F13A1: variants seen among roughly 807,000 people sequenced by gnomAD.
The protein encoded by F13A1 is FSF, A subunit.
Under a neutral mutation model 80.1 loss-of-function variants are expected in F13A1, and 47 were observed. The observed-to-expected ratio is 0.59, with a 90% CI of 0.46 to 0.75. F13A1 has a LOEUF of 0.75. Among genes scored for constraint, F13A1 ranks in the 30% least tolerant of loss-of-function variants. F13A1 has a pLI of 0.00. For missense variants in F13A1, 817 were observed against 930.4 expected (o/e 0.88, Z 1.59); for synonymous variants, 349 against 344.9 (o/e 1.01, Z -0.13).
At chr6:6,281,053 G>T (rs916092518) in intron 3 of F13A1, among the ~76,000 whole-genome samples, 6 of 152,136 alleles carry the variant, frequency 3.9e-5, no homozygotes, top group African/African-American at 1.2e-4. Flanking sequence ...ACATCGCATG[G>T]CTCCCCATGA....
intron 9 of F13A1, among the ~76,000 whole-genome samples, chr6:6,196,489 C>G (rs1761293634): frequency 6.6e-6 from 1 of 152,118 alleles, no homozygotes; most frequent in Non-Finnish European, 1.5e-5. Context: ...TACCAGAACA[C>G]CAGAAAGTGC....
intron 7 of F13A1, among the ~76,000 whole-genome samples, chr6:6,223,281 T>A (rs1047791318): frequency 2.6e-5 from 4 of 152,234 alleles, no homozygotes; most frequent in Non-Finnish European, 4.4e-5. Flanking sequence ...AACCTTTTTA[T>A]GCCAAAGACA....
intron 8 of F13A1, among the ~76,000 whole-genome samples, chr6:6,220,585 GTC>G (rs1554101505): frequency 2.0e-5 from 3 of 152,026 alleles, no homozygotes; most frequent in African/African-American, 7.2e-5. Context: ...GTGTGTGTGT[GTC>G]TGTGTGTTTT....
intron 8 of F13A1, among the ~76,000 whole-genome samples, chr6:6,208,246 C>A (rs1761528620): frequency 1.3e-5 from 2 of 151,884 alleles, no homozygotes; most frequent in Admixed American, 6.6e-5. Flanking sequence ...GTACAATAAC[C>A]AAAATGAAAA....
intron 9 of F13A1, among the ~76,000 whole-genome samples, chr6:6,196,694 A>C (rs542455055): frequency 6.6e-6 from 1 of 152,336 alleles, no homozygotes; most frequent in East Asian, 1.9e-4. Flanking sequence ...TTTTATAAAA[A>C]TCTGGGGGAG....
At chr6:6,229,612 T>C (rs767275980) in intron 6 of F13A1, among the ~76,000 whole-genome samples, 24 of 152,276 alleles carry the variant, frequency 1.6e-4, no homozygotes, top group Admixed American at 9.8e-4. Flanking sequence ...CAGGACTGGA[T>C]TGCAGCTCTG....
At chr6:6,255,485 G>A (rs972657647) in intron 4 of F13A1, among the ~76,000 whole-genome samples, 68 of 152,202 alleles carry the variant, frequency 4.5e-4, no homozygotes, top group African/African-American at 1.6e-3. Context: ...CCAAAGGATC[G>A]GATGACTGCG....
chr6:6,304,422 A>G (rs982855789), intron 3 of F13A1, among the ~76,000 whole-genome samples: 6 of 152,188 alleles, frequency 3.9e-5, no homozygotes, highest in Non-Finnish European at 8.8e-5. Flanking sequence ...AAATTCCTAT[A>G]GAAATGTTTA....
intron 13 of F13A1, among the ~76,000 whole-genome samples, chr6:6,166,736 C>T (rs542579373): frequency 2.0e-5 from 3 of 152,316 alleles, no homozygotes; most frequent in African/African-American, 7.2e-5. Flanking sequence ...CTCATCAACC[C>T]TCGGCCTTCC....
At chr6:6,209,757 T>C (rs1253844860) in intron 8 of F13A1, among the ~76,000 whole-genome samples, 2 of 152,174 alleles carry the variant, frequency 1.3e-5, no homozygotes, top group Admixed American at 1.3e-4. Context: ...AAAGGTCACA[T>C]ATTACATGAC....
chr6:6,253,998 T>C (rs1170667994), intron 4 of F13A1, among the ~76,000 whole-genome samples: 1 of 152,160 alleles, frequency 6.6e-6, no homozygotes, highest in African/African-American at 2.4e-5. Flanking sequence ...ATGTTCCAGA[T>C]ATAAGCAGGT....
At chr6:6,171,524 G>A (rs992905046) in intron 12 of F13A1, among the ~76,000 whole-genome samples, 15 of 152,118 alleles carry the variant, frequency 9.9e-5, no homozygotes, top group East Asian at 3.9e-4. Context: ...ACTGGTTCTC[G>A]CTGCTTCCAT....
intron 8 of F13A1, among the ~76,000 whole-genome samples, chr6:6,216,678 G>C (rs923481739): frequency 3.4e-5 from 5 of 148,336 alleles, no homozygotes; most frequent in Non-Finnish European, 7.4e-5. Flanking sequence ...TTGACAAATG[G>C]GATCTAATGA....
intron 6 of F13A1, among the ~76,000 whole-genome samples, chr6:6,233,197 GATC>G (rs1757374970): frequency 6.6e-6 from 1 of 151,944 alleles, no homozygotes; most frequent in Non-Finnish European, 1.5e-5. Context: ...AAAATTGATA[GATC>G]ATTAGCAAAA....
intron 2 of F13A1, among the ~76,000 whole-genome samples, chr6:6,313,280 C>CT (rs5874027): frequency 0.01 from 1,288 of 126,742 alleles, 14 homozygotes; most frequent in Middle Eastern, 0.017. Context: ...GCTAAGCCGC[C>CT]TTTTTTTTTT....
intron 8 of F13A1, among the ~76,000 whole-genome samples, chr6:6,213,247 A>C (rs1386356286): frequency 6.6e-6 from 1 of 151,772 alleles, no homozygotes; most frequent in Admixed American, 6.6e-5. Flanking sequence ...CAAAGTTGAA[A>C]TGAAGGAAAA....
intron 10 of F13A1, among the ~76,000 whole-genome samples, chr6:6,184,488 A>G (rs1761042647): frequency 6.6e-6 from 1 of 152,238 alleles, no homozygotes; most frequent in Non-Finnish European, 1.5e-5. Context: ...GAAAGGCTGA[A>G]ATGTGAAGTC....
chr6:6,166,466 A>T (rs1217972777), intron 13 of F13A1, among the ~76,000 whole-genome samples: 2 of 152,234 alleles, frequency 1.3e-5, no homozygotes, highest in Non-Finnish European at 2.9e-5. Flanking sequence ...CTACCACTTT[A>T]GAGCAATGTA....
intron 8 of F13A1, among the ~76,000 whole-genome samples, chr6:6,207,566 G>A (rs1270312250): frequency 1.3e-5 from 2 of 152,180 alleles, no homozygotes; most frequent in African/African-American, 4.8e-5. Flanking sequence ...GCAGGGCTGT[G>A]AGCATGCCCA....
Sources: allele counts gnomAD v4.1 joint callset (sites outside exome capture counted in the v4.1 genomes callset), GRCh38; gene constraint gnomAD v4.1.1; transcripts MANE v1.5; gene names NCBI Gene and HGNC (gene_info 2026-07-23, HGNC 2026-07-21).